The following CHL1 variants were observed in gnomAD, a reference collection of about 807,000 sequenced individuals.
CHL1 encodes cell adhesion molecule L1 like.
CHL1 carries 96 observed loss-of-function variants against 141.9 expected under a neutral mutation model. That is an observed-to-expected ratio of 0.68 (90% confidence interval 0.57 to 0.80). CHL1 has a LOEUF of 0.80. CHL1 is among the 30% of genes least tolerant of loss of function. The pLI is 0.00. For missense variants in CHL1, 1,820 were observed against 1,457.2 expected (o/e 1.25, Z -4.05); for synonymous variants, 613 against 502.2 (o/e 1.22, Z -2.95).
Position 396,044 on chromosome 3 carries a change from C to T in CHL1, c.3094+1172C>T, listed in dbSNP as rs75696169. Among the ~76,000 whole-genome samples, 661 of 152,222 alleles carry T rather than the reference C, an allele frequency of 4.3e-3. 4 individuals are homozygous for T. Among genetic ancestry groups the T allele is most frequent in the Admixed American group, 6.1e-3 (93 of 15,282 alleles). On this transcript the variant is annotated intron_variant, in intron 24 of 27. Coordinates refer to ENST00000256509, the MANE Select transcript of CHL1 (RefSeq NM_006614.4). Reference sequence around the variant, plus strand: ...CTATATCTAACTAATAACAAGCTTACGTTTTTCTCAGATTCCTTAAACATT... The same window carrying T: ...CTATATCTAACTAATAACAAGCTTATGTTTTTCTCAGATTCCTTAAACATT...
intron 11 of CHL1, among the ~76,000 whole-genome samples, chr3:356,756 G>C (rs988928886): frequency 3.9e-5 from 6 of 152,168 alleles, no homozygotes; most frequent in Non-Finnish European, 7.3e-5. Context: ...TGTGACTGAA[G>C]CTGAGGGAGT....
At chr3:396,266 A>G (rs951587675) in intron 24 of CHL1, among the ~76,000 whole-genome samples, 4 of 152,200 alleles carry the variant, frequency 2.6e-5, no homozygotes, top group Non-Finnish European at 4.4e-5. Context: ...TGTCTGAAGC[A>G]TTGGAACTGA....
At chr3:223,403 T>A (rs1701036722) in intron 1 of CHL1, among the ~76,000 whole-genome samples, 1 of 152,214 alleles carries the variant, frequency 6.6e-6, no homozygotes, top group African/African-American at 2.4e-5. Flanking sequence ...CATCTTTTAT[T>A]CTTGGAGTAA....
At chr3:381,307 G>T (rs868411170) in intron 16 of CHL1, among the ~76,000 whole-genome samples, 1 of 152,074 alleles carries the variant, frequency 6.6e-6, no homozygotes, top group Non-Finnish European at 1.5e-5. Flanking sequence ...AGAAAAGAAG[G>T]GTTTTTATGG....
rs1292957709 is a variant in CHL1 at position 366,033 on chromosome 3, G to A, written c.1669G>A (p.Asp557Asn). ...MLELHCESKCDSHLKHSLKLS... is the reference protein window; with the variant it reads ...MLELHCESKCNSHLKHSLKLS... Reference sequence around the variant, plus strand: ...TGAATTACATTGTGAAAGCAAATGTGACTCACATTTGAAACACAGTTTGAA... The same window carrying A: ...TGAATTACATTGTGAAAGCAAATGTAACTCACATTTGAAACACAGTTTGAA... The change falls in exon 15 of 28, where the codon GAC becomes AAC. Residue 557 changes from aspartate (D) to asparagine (N), a missense_variant. Transcript: ENST00000256509. 6.2e-7 allele frequency: 1 copy of A among 1,613,554 alleles called. No individual in the cohort carries two copies. The highest frequency in any genetic ancestry group is 8.5e-7 in the Non-Finnish European group (1 of 1,179,578).
chr3:290,457 A>T (rs898601987), intron 2 of CHL1, among the ~76,000 whole-genome samples: 1 of 152,200 alleles, frequency 6.6e-6, no homozygotes, highest in African/African-American at 2.4e-5. Flanking sequence ...GTTAGAAAAG[A>T]GAAAATGAGC....
Position 367,968 on chromosome 3 carries a change from G to A in CHL1, c.1751+1853G>A, listed in dbSNP as rs142069973. ...CTGTATAGTATTCCATGGTGTATCT[G>A]TACCACATTTTCTTTATCCAGCCTA... On this transcript the variant is annotated intron_variant, in intron 15 of 27. Transcript: ENST00000256509. Among the ~76,000 whole-genome samples the A allele has an allele frequency of 7.9e-5, 12 of 152,238 alleles. 1 individual carries two copies. In the East Asian group the frequency reaches 9.6e-4, roughly 12 times the overall value.
intron 1 of CHL1, among the ~76,000 whole-genome samples, chr3:199,640 G>T (rs533859036): frequency 6.6e-6 from 1 of 152,074 alleles, no homozygotes; most frequent in South Asian, 2.1e-4. Flanking sequence ...GGCATTTCTT[G>T]GTGAACTTGA....
chr3:230,889 T>G (rs193276351), intron 1 of CHL1, among the ~76,000 whole-genome samples: 3 of 152,272 alleles, frequency 2.0e-5, no homozygotes, highest in Admixed American at 1.3e-4. Context: ...TCAGAGATGA[T>G]TTTTGAGACT....
intron 1 of CHL1, among the ~76,000 whole-genome samples, chr3:240,329 G>A (rs148825220): frequency 4.8e-3 from 730 of 152,200 alleles, no homozygotes; most frequent in Admixed American, 9.0e-3. Context: ...GTTTTGATTT[G>A]CATTTCCCTG....
chr3:364,114 T>C (rs566574274), intron 14 of CHL1: 1 of 152,314 alleles, frequency 6.6e-6, no homozygotes, highest in South Asian at 2.1e-4. Context: ...CACTGATGTC[T>C]TGACATTTCT....
At chr3:376,432 A>G (rs1444130095) in intron 15 of CHL1, 3 of 514,744 alleles carry the variant, frequency 5.8e-6, no homozygotes, top group East Asian at 5.6e-5. Flanking sequence ...TTCTTTAGGT[A>G]TACCATACCT....
At chr3:384,086 G>T (rs1707380979) in intron 19 of CHL1, among the ~76,000 whole-genome samples, 200 bp downstream of exon 19, 1 of 152,026 alleles carries the variant, frequency 6.6e-6, no homozygotes, top group Admixed American at 6.6e-5. Context: ...TTTAACACTG[G>T]TCAACAATTT....
intron 1 of CHL1, among the ~76,000 whole-genome samples, chr3:225,009 G>A (rs1460939237): frequency 2.0e-5 from 3 of 152,028 alleles, no homozygotes; most frequent in East Asian, 1.9e-4. Context: ...GGTGGCTCAC[G>A]CCTGTAATCC....
chr3:366,223 C>A (rs1397648030), intron 15 of CHL1, 108 bp downstream of exon 15: 1 of 1,070,222 alleles, frequency 9.3e-7, no homozygotes, highest in Non-Finnish European at 1.4e-6. Flanking sequence ...GTAATCCCAG[C>A]ACTTTGGGAG....
chr3:391,916 C>T, intron 23 of CHL1, 119 bp downstream of exon 23: 2 of 780,580 alleles, frequency 2.6e-6, no homozygotes, highest in Non-Finnish European at 3.8e-6. Context: ...AGCTGCCGTT[C>T]TTCCTTGTAG....
In CHL1 at chr3:319,873, G is replaced by T. The variant is rs368839357; in HGVS notation, c.91+6G>T. ...AATTGAAATACCATCTTCAGGTAAAGTTAAAACATTCAGTGCCTATTAATG... is the reference window on the plus strand; with the variant it reads ...AATTGAAATACCATCTTCAGGTAAATTTAAAACATTCAGTGCCTATTAATG... On this transcript the variant is annotated splice_donor_region_variant and intron_variant, in intron 3 of 27. Transcript: ENST00000256509. 1.3e-6 allele frequency: 2 copies of T among 1,516,496 alleles called. No homozygotes were observed. Among genetic ancestry groups the T allele is most frequent in the South Asian group, 1.1e-5 (1 of 87,988 alleles). The allele number at this position is 1,516,496 out of a possible 1,614,324, so 93.9% of individuals were successfully genotyped here.
chr3:399,995 A>G (rs1708992769), intron 26 of CHL1, among the ~76,000 whole-genome samples: 1 of 152,218 alleles, frequency 6.6e-6, no homozygotes, highest in African/African-American at 2.4e-5. Flanking sequence ...TGGTAATATG[A>G]CGTTTGCCTT....
chr3:343,272 C>G (rs1702484989), intron 8 of CHL1, among the ~76,000 whole-genome samples: 1 of 151,886 alleles, frequency 6.6e-6, no homozygotes, highest in African/African-American at 2.4e-5. Context: ...ATTGAATAGA[C>G]AGATAGAGAT....
Sources: allele counts gnomAD v4.1 joint callset (sites outside exome capture counted in the v4.1 genomes callset), GRCh38; gene constraint gnomAD v4.1.1; transcripts MANE v1.5; gene names NCBI Gene and HGNC (gene_info 2026-07-23, HGNC 2026-07-21).